ZDHHC11: variants seen among roughly 807,000 people sequenced by gnomAD.
The protein encoded by ZDHHC11 is palmitoyltransferase ZDHHC11.
ZDHHC11 carries 44 observed loss-of-function variants against 51.3 expected under a neutral mutation model. The observed-to-expected ratio is 0.86, with a 90% CI of 0.67 to 1.10. ZDHHC11 has a LOEUF of 1.10. Ranked by LOEUF, ZDHHC11 falls within the 50% of genes least tolerant of loss-of-function variation. The pLI is 0.00. For missense variants in ZDHHC11, 400 were observed against 537.7 expected (o/e 0.74, Z 2.53); for synonymous variants, 163 against 222.0 (o/e 0.73, Z 2.36).
At chr5:813,619 T>C (rs1039130428) in intron 11 of ZDHHC11, among the ~76,000 whole-genome samples, 1 of 149,852 alleles carries the variant, frequency 6.7e-6, no homozygotes, top group African/African-American at 2.5e-5. Flanking sequence ...GGTTTGGCCA[T>C]CTGGCCCCCC....
At chr5:856,800 G>C (rs555443798) in intron 1 of ZDHHC11, among the ~76,000 whole-genome samples, 7 of 143,196 alleles carry the variant, frequency 4.9e-5, no homozygotes, top group Admixed American at 1.4e-4. Flanking sequence ...ACCACACACA[G>C]AGCACACACA....
chr5:814,740 C>T (rs540777557), intron 11 of ZDHHC11, 21 bp downstream of exon 11: 6 of 1,550,612 alleles, frequency 3.9e-6, no homozygotes, highest in Non-Finnish European at 5.2e-6. Flanking sequence ...CAAAACGTTC[C>T]CGTTAAACTT....
At chr5:804,925 T>C (rs1739030909) in intron 11 of ZDHHC11, among the ~76,000 whole-genome samples, 1 of 151,250 alleles carries the variant, frequency 6.6e-6, no homozygotes, top group African/African-American at 2.4e-5. Context: ...ATAAAGAACA[T>C]TGGCAAAAAA....
At chr5:852,337 C>G (rs373730761), upstream of ZDHHC11, among the ~76,000 whole-genome samples, 2 of 152,130 alleles carry the variant, frequency 1.3e-5, no homozygotes, top group African/African-American at 4.8e-5. Context: ...GATTTCAGAA[C>G]AGAAAGGTGG....
intron 7 of ZDHHC11, among the ~76,000 whole-genome samples, chr5:830,061 C>A (rs1253659410): frequency 2.1e-5 from 3 of 144,190 alleles, no homozygotes; most frequent in African/African-American, 7.8e-5. Context: ...GAAAACATTG[C>A]CCCTCAGAAC....
intron 8 of ZDHHC11, chr5:823,397 C>G (rs1411816559): frequency 2.0e-5 from 3 of 151,386 alleles, no homozygotes; most frequent in African/African-American, 7.3e-5. Context: ...ACCTTGGCAC[C>G]TTCCATTTAA....
At chr5:802,662 T>C (rs559398287) in intron 11 of ZDHHC11, among the ~76,000 whole-genome samples, 1 of 149,738 alleles carries the variant, frequency 6.7e-6, no homozygotes, top group African/African-American at 2.4e-5. Flanking sequence ...CAGACATCTA[T>C]GGGAGAGTGC....
intron 10 of ZDHHC11, chr5:816,255 G>T: frequency 4.4e-6 from 1 of 229,216 alleles, no homozygotes; most frequent in Non-Finnish European, 8.8e-6. Context: ...TTCTTTTTTC[G>T]GAAATAATGT....
In ZDHHC11 at chr5:833,806, T is replaced by C. The variant is rs1743383593; in HGVS notation, c.902A>G (p.Gln301Arg). 6.4e-7 allele frequency: 1 copy of C among 1,550,626 alleles called. No homozygotes were observed. ...AGATGAGCCCAGGGCGCCAGCTCCT[T>C]GCTGTGGGGCAAAAGAAAATTCGTC... ...YVQMDKGVLQQGAGALGSSAQ... is the reference protein window; with the variant it reads ...YVQMDKGVLQRGAGALGSSAQ... Residue 301 changes from glutamine to arginine, a missense_variant and splice_region_variant, in exon 7 of 13, where the codon CAA becomes CGA. Gln to Arg is a conservative substitution (Grantham distance 43). Transcript: ENST00000283441.
intron 1 of ZDHHC11, among the ~76,000 whole-genome samples, chr5:856,739 C>A (rs779438318): frequency 6.6e-6 from 1 of 151,598 alleles, no homozygotes. Flanking sequence ...ACAATACACA[C>A]AATACACATC....
upstream of ZDHHC11, among the ~76,000 whole-genome samples, chr5:859,033 A>C (rs987941876): frequency 6.6e-6 from 1 of 152,068 alleles, no homozygotes; most frequent in Admixed American, 6.5e-5. Flanking sequence ...GCGCCTCACA[A>C]AGCCATGGCA....
At chr5:843,229 C>A (rs1488278854) in intron 4 of ZDHHC11, 1 of 404,618 alleles carries the variant, frequency 2.5e-6, no homozygotes, top group Non-Finnish European at 4.7e-6. Context: ...ATGGGCTGCT[C>A]CTGCAGGATG....
intron 11 of ZDHHC11, among the ~76,000 whole-genome samples, chr5:806,854 G>T (rs1161051114): frequency 6.6e-6 from 1 of 151,212 alleles, no homozygotes; most frequent in East Asian, 1.9e-4. Flanking sequence ...AATTCCAAGT[G>T]TTGGAGAGGA....
chr5:850,801 G>C lies in ZDHHC11; in HGVS notation c.-199C>G. ...TGGAGTCGGTGCAGGGCCCCGCCCAGGGGAATGAACAGACATGCTGCAGAA... is the reference window on the plus strand; with the variant it reads ...TGGAGTCGGTGCAGGGCCCCGCCCACGGGAATGAACAGACATGCTGCAGAA... On this transcript the variant is annotated 5_prime_UTR_variant, in exon 1 of 13. Transcript: ENST00000283441. The C allele has an allele frequency of 1.5e-6, 1 of 666,816 alleles. No homozygotes were observed. Among genetic ancestry groups the C allele is most frequent in the Non-Finnish European group, 2.5e-6 (1 of 398,420 alleles). 41.3% of individuals were successfully genotyped at this position (666,816 alleles called of 1,614,324 possible). A position where few individuals can be genotyped will look rare whatever the true frequency, so the allele number is the denominator to read the frequency against.
chr5:823,314 T>A (rs1435779351), intron 8 of ZDHHC11: 9 of 150,874 alleles, frequency 6.0e-5, no homozygotes, highest in Non-Finnish European at 3.0e-5. Context: ...GCTGTGTGTG[T>A]GTGTTTGGCA....
chr5:806,297 G>A (rs1392010436), intron 11 of ZDHHC11, among the ~76,000 whole-genome samples: 1 of 151,042 alleles, frequency 6.6e-6, no homozygotes, highest in Non-Finnish European at 1.5e-5. Flanking sequence ...ATGCCAGTGG[G>A]GAGAGGGCCT....
chr5:854,600 A>T (rs1183435547), upstream of ZDHHC11, among the ~76,000 whole-genome samples: 1 of 147,938 alleles, frequency 6.8e-6, no homozygotes, highest in East Asian at 2.1e-4. Flanking sequence ...GAGGACAGCG[A>T]GCGAGTGGCA....
intron 11 of ZDHHC11, among the ~76,000 whole-genome samples, chr5:807,864 A>G (rs1460726512): frequency 6.6e-6 from 1 of 151,092 alleles, no homozygotes; most frequent in Non-Finnish European, 1.5e-5. Context: ...CTCTGCTAAG[A>G]GGAGCTTTGC....
At chr5:800,500 C>A (rs1738262320) in intron 12 of ZDHHC11, among the ~76,000 whole-genome samples, 1 of 151,002 alleles carries the variant, frequency 6.6e-6, no homozygotes, top group South Asian at 2.1e-4. Flanking sequence ...GAGAGCATGC[C>A]CCTCTGTTTT....
Sources: allele counts gnomAD v4.1 joint callset (sites outside exome capture counted in the v4.1 genomes callset), GRCh38; gene constraint gnomAD v4.1.1; transcripts MANE v1.5; gene names NCBI Gene and HGNC (gene_info 2026-07-23, HGNC 2026-07-21).